The following GSG1 variants were observed in gnomAD, a reference collection of about 807,000 sequenced individuals.
The protein encoded by GSG1 is germ cell-specific gene 1 protein.
Under a neutral mutation model 30.8 loss-of-function variants are expected in GSG1, and 28 were observed. The observed-to-expected ratio is 0.91, with a 90% CI of 0.67 to 1.25. The LOEUF (loss-of-function observed/expected upper bound fraction) is 1.25, where lower values mean the gene tolerates loss of function less well. Ranked by LOEUF, GSG1 falls within the 50% of genes most tolerant of loss-of-function variation. The pLI, the probability that GSG1 is intolerant of heterozygous loss-of-function variation, is 0.00. For missense variants in GSG1, 435 were observed against 444.7 expected (o/e 0.98, Z 0.20); for synonymous variants, 162 against 178.0 (o/e 0.91, Z 0.71).
At chr12:13,096,682 A>G (rs1269239368) in intron 1 of GSG1, among the ~76,000 whole-genome samples, 5 of 152,156 alleles carry the variant, frequency 3.3e-5, no homozygotes, top group Non-Finnish European at 5.9e-5. Flanking sequence ...TATATTTCAA[A>G]AAAGAGTTTC....
chr12:13,098,851 CT>C (rs1862944986), intron 1 of GSG1, among the ~76,000 whole-genome samples: 1 of 152,134 alleles, frequency 6.6e-6, no homozygotes, highest in African/African-American at 2.4e-5. Flanking sequence ...GTGGCAGACT[CT>C]TAAGTGTGTT....
chr12:13,093,924 A>G lies in GSG1; in HGVS notation c.49-3106T>C, dbSNP rs1866410103. Among the ~76,000 whole-genome samples the G allele has an allele frequency of 6.6e-6, 1 of 152,240 alleles. No homozygotes were observed. Among genetic ancestry groups the G allele is most frequent in the Non-Finnish European group, 1.5e-5 (1 of 68,040 alleles). Reference sequence around the variant, plus strand: ...CTTGGAGCCAGATTTAATTGGACTTAGAGAAGTAATTTGGCAAGTCTCTCA... The same window carrying G: ...CTTGGAGCCAGATTTAATTGGACTTGGAGAAGTAATTTGGCAAGTCTCTCA... On this transcript the variant is annotated intron_variant, in intron 1 of 6. Coordinates refer to ENST00000651961, the MANE Select transcript of GSG1 (RefSeq NM_001080555.4). The surrounding 1 kb of genome is among the most constrained non-coding windows in gnomAD (Gnocchi z 4.6).
intron 5 of GSG1, among the ~76,000 whole-genome samples, chr12:13,087,581 A>T (rs949949920): frequency 2.6e-5 from 4 of 152,192 alleles, no homozygotes; most frequent in Non-Finnish European, 5.9e-5. Flanking sequence ...TCTTCATCTT[A>T]TATGTGCATC....
rs771903046 is a variant in GSG1, at chr12:13,088,858, T to C, written c.481+4A>G. 6.2e-7 allele frequency: 1 copy of C among 1,614,182 alleles called. No individual in the cohort carries two copies. The highest frequency in any genetic ancestry group is 8.5e-7 in the Non-Finnish European group (1 of 1,180,036). On this transcript the variant is annotated splice_donor_region_variant and intron_variant, in intron 4 of 6. Coordinates refer to ENST00000651961, the MANE Select transcript of GSG1 (RefSeq NM_001080555.4). ...CGTGGCAAATTCCAGTAGTCCTTTC[T>C]CACCTCTCTTGGCTGGTGGTGTAAG...
At chr12:13,100,834 G>A (rs924692218) in intron 1 of GSG1, among the ~76,000 whole-genome samples, 2 of 152,090 alleles carry the variant, frequency 1.3e-5, no homozygotes, top group African/African-American at 2.4e-5. Flanking sequence ...CTGTAACCAC[G>A]TTTAAGGGGC....
intron 1 of GSG1, among the ~76,000 whole-genome samples, chr12:13,100,320 G>A (rs1373419187): frequency 6.6e-6 from 1 of 152,194 alleles, no homozygotes; most frequent in African/African-American, 2.4e-5. Context: ...TACAAAGGAA[G>A]CCCTGGGTCC....
At chr12:13,088,669 C>T (rs1865785838) in intron 4 of GSG1, 193 bp downstream of exon 4, 2 of 1,381,486 alleles carry the variant, frequency 1.4e-6, no homozygotes, top group South Asian at 2.7e-5. Flanking sequence ...TGGGAGATCA[C>T]AGTGCAGTTT....
intron 5 of GSG1, 143 bp from the exon 6 acceptor site, chr12:13,087,406 A>G: frequency 1.6e-6 from 1 of 617,002 alleles, no homozygotes; most frequent in Non-Finnish European, 2.9e-6. Flanking sequence ...ACATTTCCCG[A>G]AGACTAATTC....
intron 1 of GSG1, among the ~76,000 whole-genome samples, chr12:13,102,725 A>G (rs1863304716): frequency 1.3e-5 from 2 of 152,236 alleles, no homozygotes; most frequent in Admixed American, 6.5e-5. Context: ...GCTAATTGCA[A>G]GCTTCATTTT....
In GSG1 at chr12:13,090,711, A is replaced by C. The variant is rs1866020792; in HGVS notation, c.156T>G (p.Phe52Leu). ...STTSLLSNYW[F>L]VGTQKVPKPL... ...GCTTGGGCACCTTCTGTGTGCCCAC[A>C]AACCAGTAGTTGCTGAGCAGGGATG... The change falls in exon 2 of 7, where the codon TTT (phenylalanine) becomes TTG (leucine). Residue 52 changes from phenylalanine (F) to leucine (L), a missense_variant. Transcript: ENST00000651961. 3 of 1,614,122 alleles carry C rather than the reference A, an allele frequency of 1.9e-6. No individual in the cohort carries two copies. The highest frequency in any genetic ancestry group is 2.5e-6 in the Non-Finnish European group (3 of 1,180,046).
At position 13,087,210 on chromosome 12, in the gene GSG1, C is replaced by T. The variant is rs758406990; in HGVS notation, c.688G>A (p.Val230Ile). 16 of 1,614,024 alleles carry T rather than the reference C, an allele frequency of 9.9e-6. No homozygotes were observed. Among genetic ancestry groups the T allele is most frequent in the Non-Finnish European group, 1.3e-5 (15 of 1,179,992 alleles). ...MMYSQVFQAT[V>I]NLGPEDWRPH... ...CTCCAGTCTTCTGGACCCAAGTTGACAGTCGCTTGGAAGACTTGTGAATAC... is the reference window on the plus strand; with the variant it reads ...CTCCAGTCTTCTGGACCCAAGTTGATAGTCGCTTGGAAGACTTGTGAATAC... Residue 230 changes from valine to isoleucine, a missense_variant, in exon 6 of 7, where the codon GTC becomes ATC. Coordinates refer to ENST00000651961, the MANE Select transcript of GSG1 (RefSeq NM_001080555.4).
In GSG1 at chr12:13,085,225, G is replaced by A; in HGVS notation, c.765C>T (p.Phe255=). Residue 255 remains phenylalanine (F), a synonymous_variant, in exon 7 of 7, where the codon TTC becomes TTT. Coordinates refer to ENST00000651961, the MANE Select transcript of GSG1 (RefSeq NM_001080555.4). ...GWAFYMAWLS[F]TCCMASAVTT... ...TGACAGCCGACGCCATGCAGCAGGT[G>A]AAGGAGAGCCAGGCCATGCTAGGGA... The A allele has an allele frequency of 1.9e-6, 3 of 1,606,910 alleles. No homozygotes were observed. The highest frequency in any genetic ancestry group is 2.6e-6 in the Non-Finnish European group (3 of 1,175,024).
At chr12:13,092,113 A>G (rs552387167) in intron 1 of GSG1, among the ~76,000 whole-genome samples, 1 of 152,344 alleles carries the variant, frequency 6.6e-6, no homozygotes, top group Non-Finnish European at 1.5e-5. Context: ...ACCAGAGAGG[A>G]CAAATTAGAA....
Position 13,085,016 on chromosome 12 carries a change from G to T in GSG1, c.974C>A (p.Ser325Tyr). 6.4e-7 allele frequency: 1 copy of T among 1,565,012 alleles called. No homozygotes were observed. ...YHQYHNQPIH[S>Y]VSEGVDFYSE... Reference sequence around the variant, plus strand: ...GTAGAAGTCGACTCCCTCAGAGACAGAGTGGATGGGCTGATTATGATACTG... The same window carrying T: ...GTAGAAGTCGACTCCCTCAGAGACATAGTGGATGGGCTGATTATGATACTG... Residue 325 changes from serine to tyrosine, a missense_variant, in exon 7 of 7, where the codon TCT (serine) becomes TAT (tyrosine). Physicochemically the swap from Ser to Tyr is moderately radical, Grantham distance 144. Coordinates refer to ENST00000651961, the MANE Select transcript of GSG1 (RefSeq NM_001080555.4).
chr12:13,089,290 T>A lies in GSG1; in HGVS notation c.365-14A>T. 1 of 1,551,328 alleles carries A rather than the reference T, an allele frequency of 6.4e-7. No individual in the cohort carries two copies. The highest frequency in any genetic ancestry group is 8.7e-7 in the Non-Finnish European group (1 of 1,146,562). The stretch of plus-strand genomic sequence containing the variant: ...GATGGAGCAGTGCTAAGTGGCACAA[T>A]AATAAATATAAATGTAAATACACAC... On this transcript the variant is annotated splice_polypyrimidine_tract_variant and intron_variant, in intron 2 of 6. Coordinates refer to ENST00000651961, the MANE Select transcript of GSG1 (RefSeq NM_001080555.4).
At chr12:13,090,992 G>A (rs137955676) in intron 1 of GSG1, among the ~76,000 whole-genome samples, 174 bp from the exon 2 acceptor site, 5 of 152,274 alleles carry the variant, frequency 3.3e-5, no homozygotes, top group African/African-American at 9.6e-5. Context: ...TGGAAGCCCC[G>A]CTTCAGGAGT....
chr12:13,089,915 G>T (rs966121141), intron 2 of GSG1, among the ~76,000 whole-genome samples: 2 of 152,182 alleles, frequency 1.3e-5, no homozygotes, highest in East Asian at 3.9e-4. Context: ...CGGGTATGGT[G>T]GCACATGCCT....
intron 4 of GSG1, 54 bp from the exon 5 acceptor site, chr12:13,088,113 A>G (rs1352622229): frequency 5.0e-6 from 8 of 1,602,318 alleles, no homozygotes; most frequent in East Asian, 2.2e-5. Context: ...AAAAAACTGA[A>G]TAAGCGGTGA....
intron 1 of GSG1, among the ~76,000 whole-genome samples, chr12:13,099,755 T>G (rs552650986): frequency 7.8e-4 from 105 of 133,894 alleles, no homozygotes; most frequent in African/African-American, 2.1e-3. Flanking sequence ...TTTTTGTTTT[T>G]TTTTTTTTTT....
Sources: gnomAD v4.1 joint callset for allele counts (sites outside exome capture counted in the v4.1 genomes callset) on GRCh38, gnomAD v4.1.1 for gene constraint, Gnocchi (gnomAD v3.1) non-coding constraint, MANE v1.5 for transcripts, NCBI Gene and HGNC (gene_info 2026-07-23, HGNC 2026-07-21) for gene names.